SH2D1A: variants seen among roughly 807,000 people sequenced by gnomAD.
SH2D1A encodes SH2 domain-containing protein 1A.
Under a neutral mutation model 10.1 loss-of-function variants are expected in SH2D1A, and 6 were observed. The observed-to-expected ratio is 0.60, with a 90% CI of 0.33 to 1.18. The LOEUF is 1.18. Ranked by LOEUF, SH2D1A falls within the 50% of genes most tolerant of loss-of-function variation. SH2D1A has a pLI of 0.04. For synonymous variants in SH2D1A, 42 were observed against 36.9 expected, an observed-to-expected ratio of 1.14 and a Z score of -0.51; for missense variants, 51 against 97.6, an observed-to-expected ratio of 0.52 and a Z score of 2.01.
intron 1 of SH2D1A, among the ~76,000 whole-genome samples, chrX:124,362,189 A>G (rs748429494): frequency 5.4e-4 from 61 of 112,105 alleles, no homozygotes; most frequent in Admixed American, 9.4e-5. Context: ...CATTCCTACT[A>G]TAGGCCCAAA....
At chrX:124,363,608 C>T (rs1469602288) in intron 1 of SH2D1A, among the ~76,000 whole-genome samples, 2 of 110,776 alleles carry the variant, frequency 1.8e-5, no homozygotes, top group Non-Finnish European at 3.8e-5. Context: ...AATAGTATAG[C>T]ACAGGCCAGG....
intron 1 of SH2D1A, among the ~76,000 whole-genome samples, chrX:124,347,562 G>C (rs1345385493): frequency 1.8e-5 from 2 of 111,504 alleles, no homozygotes; most frequent in Non-Finnish European, 3.8e-5. Flanking sequence ...AGGCAGATCT[G>C]AGACTTTGTC....
At chrX:124,370,639 C>G (rs1452774848) in intron 3 of SH2D1A, among the ~76,000 whole-genome samples, 1 of 111,804 alleles carries the variant, frequency 8.9e-6, no homozygotes, top group African/African-American at 3.2e-5. Context: ...CTAATTCAGA[C>G]ACAAATAATG....
intron 1 of SH2D1A, among the ~76,000 whole-genome samples, chrX:124,347,427 TA>T (rs1353105957): frequency 1.8e-5 from 2 of 111,257 alleles, no homozygotes; most frequent in Non-Finnish European, 3.8e-5. Flanking sequence ...ACAATAGTCT[TA>T]AAGGGAATGG....
chrX:124,355,198 A>G (rs1436167890), intron 1 of SH2D1A, among the ~76,000 whole-genome samples: 1 of 112,346 alleles, frequency 8.9e-6, no homozygotes. Context: ...TTGACGTGGT[A>G]TAAAAAAGGA....
intron 1 of SH2D1A, among the ~76,000 whole-genome samples, chrX:124,360,237 TA>T (rs1328308529): frequency 9.2e-6 from 1 of 108,815 alleles, no homozygotes; most frequent in Non-Finnish European, 1.9e-5. Flanking sequence ...CAAAGGAGGT[TA>T]ATGGTAAATG....
chrX:124,350,990 T>C (rs1470636062), intron 1 of SH2D1A, among the ~76,000 whole-genome samples: 1 of 42,105 alleles, frequency 2.4e-5, no homozygotes, highest in Non-Finnish European at 3.5e-5. Context: ...ATATATTATA[T>C]ATATATTATA....
intron 2 of SH2D1A, among the ~76,000 whole-genome samples, chrX:124,368,630 C>T (rs990972450): frequency 2.7e-5 from 3 of 112,340 alleles, no homozygotes; most frequent in Non-Finnish European, 5.6e-5. Flanking sequence ...GCCAGTTCTG[C>T]CTCTGGTTGT....
chrX:124,372,774 C>T lies in SH2D1A; in HGVS notation c.*1383C>T, dbSNP rs1472739567. ...TGAACTGCTGAGAGACAGAGCTATTCTCCATGTACTGGCAAGACCTGATTT... is the reference window on the plus strand; with the variant it reads ...TGAACTGCTGAGAGACAGAGCTATTTTCCATGTACTGGCAAGACCTGATTT... On this transcript the variant is annotated 3_prime_UTR_variant, in exon 4 of 4. Transcript: ENST00000371139. 1 of 165,188 alleles carries T rather than the reference C, an allele frequency of 6.1e-6. No homozygotes were observed. The highest frequency in any genetic ancestry group is 3.0e-5 in the African/African-American group (1 of 33,255). 13.6% of individuals were successfully genotyped at this position (165,188 alleles called of 1,213,427 possible).
At chrX:124,347,088 G>A (rs2059995313) in intron 1 of SH2D1A, among the ~76,000 whole-genome samples, 1 of 111,546 alleles carries the variant, frequency 9.0e-6, no homozygotes, top group Admixed American at 9.5e-5. Flanking sequence ...CCTTCGCTCC[G>A]GGAAAGACCC....
rs984336234 is a variant in SH2D1A, at chrX:124,351,556, C to T, written c.137+4777C>T. Among the ~76,000 whole-genome samples, 7 of 110,642 alleles carry T rather than the reference C, an allele frequency of 6.3e-5. No homozygotes were observed. In the South Asian group the frequency reaches 1.9e-3, roughly 30 times the overall value. On this transcript the variant is annotated intron_variant, in intron 1 of 3. Coordinates refer to ENST00000371139, the MANE Select transcript of SH2D1A (RefSeq NM_002351.5). The stretch of plus-strand genomic sequence containing the variant: ...TGTAATGCATCAGTGTCCATTTCAC[C>T]ACACCCTCACTAGAAGTGGGTATTG...
chrX:124,364,761 TATAA>T (rs1427554880), intron 1 of SH2D1A, among the ~76,000 whole-genome samples: 1 of 110,850 alleles, frequency 9.0e-6, no homozygotes, highest in Non-Finnish European at 1.9e-5. Context: ...ATCTGGGAAA[TATAA>T]ATATTTTAAA....
rs1200522032 is a variant in SH2D1A at position 124,371,540 on chromosome X, G to A, written c.*149G>A. 3 of 357,870 alleles carry A rather than the reference G, an allele frequency of 8.4e-6. No individual in the cohort carries two copies. The highest frequency in any genetic ancestry group is 8.4e-5 in the African/African-American group (3 of 35,853). 29.5% of individuals were successfully genotyped at this position (357,870 alleles called of 1,213,427 possible). A position where few individuals can be genotyped will look rare whatever the true frequency, so the allele number is the denominator to read the frequency against. On this transcript the variant is annotated 3_prime_UTR_variant, in exon 4 of 4. Transcript: ENST00000371139. Reference sequence around the variant, plus strand: ...TGGAAGCATCTAGCATGTCGTCAAAGCTGAAATGGACTTTTGTACATAGTG... The same window carrying A: ...TGGAAGCATCTAGCATGTCGTCAAAACTGAAATGGACTTTTGTACATAGTG...
intron 1 of SH2D1A, among the ~76,000 whole-genome samples, chrX:124,350,509 A>AT (rs1401826853): frequency 3.5e-5 from 1 of 28,960 alleles, no homozygotes; most frequent in African/African-American, 1.5e-4. Flanking sequence ...ATAATATATA[A>AT]ATATATATTA....
At chrX:124,351,097 A>T (rs764820429) in intron 1 of SH2D1A, among the ~76,000 whole-genome samples, 14 of 93,739 alleles carry the variant, frequency 1.5e-4, no homozygotes, top group Admixed American at 4.1e-4. Context: ...ATATATATTT[A>T]TATATATTTA....
At chrX:124,355,911 G>T (rs970565938) in intron 1 of SH2D1A, among the ~76,000 whole-genome samples, 2 of 110,487 alleles carry the variant, frequency 1.8e-5, no homozygotes, top group African/African-American at 6.6e-5. Context: ...TTTTTGTTTT[G>T]TGTGTGTTTT....
At chrX:124,352,141 A>G (rs1382992276) in intron 1 of SH2D1A, among the ~76,000 whole-genome samples, 2 of 111,176 alleles carry the variant, frequency 1.8e-5, no homozygotes, top group Non-Finnish European at 3.8e-5. Context: ...GTTAGTTTAC[A>G]TTTACCTCTT....
chrX:124,364,099 G>A (rs1343882255), intron 1 of SH2D1A, among the ~76,000 whole-genome samples: 3 of 109,189 alleles, frequency 2.7e-5, no homozygotes, highest in African/African-American at 1.0e-4. Flanking sequence ...ACAGCCTCGG[G>A]CAGGTCCCTC....
At chrX:124,365,646 C>A in intron 1 of SH2D1A, 115 bp from the exon 2 acceptor site, 1 of 544,218 alleles carries the variant, frequency 1.8e-6, no homozygotes, top group Non-Finnish European at 3.3e-6. Flanking sequence ...AATGCAATGA[C>A]ACCATATACG....
Sources: allele counts gnomAD v4.1 joint callset (sites outside exome capture counted in the v4.1 genomes callset), GRCh38; gene constraint gnomAD v4.1.1; transcripts MANE v1.5; gene names NCBI Gene and HGNC (gene_info 2026-07-23, HGNC 2026-07-21).